The following CSMD1 variants were observed in gnomAD, a reference collection of about 807,000 sequenced individuals.
The protein encoded by CSMD1 is CUB and sushi domain-containing protein 1.
CSMD1 carries 213 observed loss-of-function variants against 417.5 expected under a neutral mutation model. The observed-to-expected ratio is 0.51, with a 90% CI of 0.46 to 0.57. The LOEUF (loss-of-function observed/expected upper bound fraction) is 0.57, where lower values mean the gene tolerates loss of function less well. Ranked by LOEUF, CSMD1 falls within the 20% of genes least tolerant of loss-of-function variation. CSMD1 has a pLI of 0.00. For synonymous variants in CSMD1, 2,862 were observed against 1,736.8 expected (o/e 1.65, Z -16.11); for missense variants, 6,923 against 4,529.7 (o/e 1.53, Z -15.17).
chr8:3,187,309 G>A (rs1796119940), intron 36 of CSMD1, among the ~76,000 whole-genome samples: 1 of 152,164 alleles, frequency 6.6e-6, no homozygotes, highest in Non-Finnish European at 1.5e-5. Flanking sequence ...AATGACGCTC[G>A]AGGGCAATGG....
intron 12 of CSMD1, among the ~76,000 whole-genome samples, chr8:3,420,122 G>A (rs1373430374): frequency 6.6e-6 from 1 of 151,932 alleles, no homozygotes; most frequent in Admixed American, 6.6e-5. Context: ...TCAATAGTTG[G>A]GAAGTCATTC....
At chr8:4,687,372 G>C (rs895619248) in intron 1 of CSMD1, among the ~76,000 whole-genome samples, 1 of 152,126 alleles carries the variant, frequency 6.6e-6, no homozygotes, top group Non-Finnish European at 1.5e-5. Context: ...TAAGTAACGT[G>C]ATATAGCTTA....
chr8:3,669,676 C>G (rs1172769234), intron 7 of CSMD1, among the ~76,000 whole-genome samples: 1 of 152,052 alleles, frequency 6.6e-6, no homozygotes, highest in Non-Finnish European at 1.5e-5. Context: ...AGCTCAGCAC[C>G]TATTCTGTGT....
intron 49 of CSMD1, among the ~76,000 whole-genome samples, chr8:3,069,802 T>C (rs1470929694): frequency 6.6e-6 from 1 of 152,214 alleles, no homozygotes; most frequent in Non-Finnish European, 1.5e-5. Context: ...CAACCCCACA[T>C]TTCCCTTGGC....
intron 23 of CSMD1, among the ~76,000 whole-genome samples, chr8:3,313,140 A>G (rs995840712): frequency 3.3e-5 from 5 of 152,224 alleles, no homozygotes; most frequent in Admixed American, 3.3e-4. Flanking sequence ...AAAGACTTAA[A>G]TGTTAGACCT....
intron 5 of CSMD1, among the ~76,000 whole-genome samples, chr8:3,864,731 C>T (rs1563157105): frequency 6.6e-6 from 1 of 152,052 alleles, no homozygotes; most frequent in African/African-American, 2.4e-5. Flanking sequence ...TCCACACTCC[C>T]CTCCTCTCCT....
intron 5 of CSMD1, among the ~76,000 whole-genome samples, chr8:3,805,867 C>T (rs1297815575): frequency 6.6e-6 from 1 of 152,092 alleles, no homozygotes; most frequent in Non-Finnish European, 1.5e-5. Flanking sequence ...CTCAGTTTCC[C>T]AGATTTCTAT....
At chr8:4,425,144 C>G (rs1217423507) in intron 2 of CSMD1, among the ~76,000 whole-genome samples, 1 of 151,974 alleles carries the variant, frequency 6.6e-6, no homozygotes, top group Non-Finnish European at 1.5e-5. Flanking sequence ...AATACAATTT[C>G]ATGTCCCTTT....
intron 1 of CSMD1, among the ~76,000 whole-genome samples, chr8:4,833,540 C>G (rs182139863): frequency 3.9e-5 from 6 of 152,308 alleles, no homozygotes; most frequent in Non-Finnish European, 8.8e-5. Flanking sequence ...CTAACAGTTG[C>G]TGTTAAGTAG....
intron 2 of CSMD1, among the ~76,000 whole-genome samples, chr8:4,545,389 A>G (rs1585230760): frequency 6.6e-6 from 1 of 152,226 alleles, no homozygotes; most frequent in East Asian, 1.9e-4. Context: ...TTTTCAATCA[A>G]TGAACACTCA....
At chr8:4,679,388 T>C (rs561285460) in intron 1 of CSMD1, among the ~76,000 whole-genome samples, 4 of 152,342 alleles carry the variant, frequency 2.6e-5, no homozygotes, top group Middle Eastern at 3.4e-3. Flanking sequence ...TTAAAATGGA[T>C]GTGCCTAACA....
At chr8:4,961,769 T>C (rs1363992784) in intron 1 of CSMD1, among the ~76,000 whole-genome samples, 1 of 152,144 alleles carries the variant, frequency 6.6e-6, no homozygotes. Flanking sequence ...GCAATTTCTG[T>C]CCATTTCTGA....
chr8:4,800,624 C>A (rs991874673), intron 1 of CSMD1, among the ~76,000 whole-genome samples: 1 of 152,120 alleles, frequency 6.6e-6, no homozygotes, highest in Admixed American at 6.5e-5. Context: ...AGTCACAGAC[C>A]CATCTTTGGT....
chr8:4,413,006 G>C (rs1393027896), intron 3 of CSMD1, among the ~76,000 whole-genome samples: 1 of 152,262 alleles, frequency 6.6e-6, no homozygotes, highest in East Asian at 1.9e-4. Flanking sequence ...TGAGATTTTT[G>C]ACAACTTGAA....
At chr8:4,930,653 A>C (rs1807183238) in intron 1 of CSMD1, among the ~76,000 whole-genome samples, 1 of 152,196 alleles carries the variant, frequency 6.6e-6, no homozygotes, top group Non-Finnish European at 1.5e-5. Flanking sequence ...CAAACCCAGA[A>C]ACATTAATAT....
chr8:4,343,162 T>C (rs1004475950), intron 3 of CSMD1, among the ~76,000 whole-genome samples: 2 of 152,126 alleles, frequency 1.3e-5, no homozygotes, highest in African/African-American at 4.8e-5. Context: ...GGCAATGTAT[T>C]TGGTAAAATA....
chr8:3,691,619 T>A (rs1800248046), intron 7 of CSMD1, among the ~76,000 whole-genome samples: 1 of 152,180 alleles, frequency 6.6e-6, no homozygotes, highest in Admixed American at 6.5e-5. Context: ...AACAAAAATA[T>A]ATAACAACTG....
intron 37 of CSMD1, among the ~76,000 whole-genome samples, chr8:3,169,728 G>GT (rs35147644): frequency 0.4 from 61,142 of 151,966 alleles, 13,019 homozygotes; most frequent in East Asian, 0.81. Context: ...TATAGCACAA[G>GT]TTGAACAAGG....
rs551513538 is a variant in CSMD1 at position 3,604,926 on chromosome 8, A to C, written c.1097+11784T>G. Among the ~76,000 whole-genome samples the C allele has an allele frequency of 2.0e-5, 3 of 152,292 alleles. No individual in the cohort carries two copies. The South Asian group carries it at 6.2e-4, about 32-fold the overall frequency. ...GGGCTTGTTTGACACTTTTCATAATAAAATTTATAATGTGCCTTTGGTTTC... is the reference window on the plus strand; with the variant it reads ...GGGCTTGTTTGACACTTTTCATAATCAAATTTATAATGTGCCTTTGGTTTC... On this transcript the variant is annotated intron_variant, in intron 8 of 69. Coordinates refer to ENST00000635120, the MANE Select transcript of CSMD1 (RefSeq NM_033225.6).
Sources: gnomAD v4.1 joint callset for allele counts (sites outside exome capture counted in the v4.1 genomes callset) on GRCh38, gnomAD v4.1.1 for gene constraint, MANE v1.5 for transcripts, NCBI Gene and HGNC (gene_info 2026-07-23, HGNC 2026-07-21) for gene names.